SAV1: variants seen among roughly 807,000 people sequenced by gnomAD.
SAV1 encodes the protein protein salvador homolog 1.
SAV1 carries 23 observed loss-of-function variants against 47.3 expected under a neutral mutation model. The observed-to-expected ratio is 0.49, with a 90% CI of 0.35 to 0.69. SAV1 has a LOEUF of 0.69. Among genes scored for constraint, SAV1 ranks in the 30% least tolerant of loss-of-function variants. SAV1 has a pLI of 0.01. For synonymous variants in SAV1, 155 were observed against 159.2 expected (o/e 0.97, Z 0.20); for missense variants, 448 against 457.4 (o/e 0.98, Z 0.19).
At chr14:50,638,641 A>C (rs1422853559) in intron 4 of SAV1, among the ~76,000 whole-genome samples, 3 of 152,202 alleles carry the variant, frequency 2.0e-5, no homozygotes, top group Non-Finnish European at 1.5e-5. Flanking sequence ...AGGACTGCCA[A>C]GCCACTGGAA....
chr14:50,665,077 A>G, intron 2 of SAV1, 102 bp downstream of exon 2: 1 of 1,435,456 alleles, frequency 7.0e-7, no homozygotes, highest in African/African-American at 1.4e-5. Flanking sequence ...ACATTTCGCT[A>G]GTAGTATTTG....
chr14:50,666,757 A>T (rs1439878673), intron 1 of SAV1, among the ~76,000 whole-genome samples: 12 of 151,618 alleles, frequency 7.9e-5, no homozygotes, highest in Non-Finnish European at 1.2e-4. Context: ...ACCTAACTGC[A>T]TGTGTGACTG....
chr14:50,646,866 C>T (rs887094329), intron 2 of SAV1, among the ~76,000 whole-genome samples: 2 of 152,056 alleles, frequency 1.3e-5, no homozygotes, highest in African/African-American at 2.4e-5. Context: ...TATAAAGCTA[C>T]ATTAATCAAG....
intron 2 of SAV1, chr14:50,662,624 T>A (rs1324909798): frequency 6.6e-6 from 1 of 152,218 alleles, no homozygotes; most frequent in Non-Finnish European, 1.5e-5. Context: ...CAGTAGAGAT[T>A]TAGTTCTTAT....
chr14:50,666,854 A>C (rs763288902), intron 1 of SAV1, among the ~76,000 whole-genome samples: 2 of 152,124 alleles, frequency 1.3e-5, no homozygotes, highest in Admixed American at 6.5e-5. Flanking sequence ...TATTTTGTTG[A>C]AAGTATTGCA....
At chr14:50,658,036 T>G (rs1389791466) in intron 2 of SAV1, among the ~76,000 whole-genome samples, 2 of 152,168 alleles carry the variant, frequency 1.3e-5, no homozygotes, top group African/African-American at 4.8e-5. Flanking sequence ...CTACACATTA[T>G]TAGCATGTGT....
At chr14:50,650,072 C>CT (rs2039754537) in intron 2 of SAV1, among the ~76,000 whole-genome samples, 1 of 152,120 alleles carries the variant, frequency 6.6e-6, no homozygotes, top group South Asian at 2.1e-4. Context: ...TTAGAAGAAA[C>CT]TTTAAAATTA....
chr14:50,649,982 G>A (rs959244023), intron 2 of SAV1, among the ~76,000 whole-genome samples: 1 of 152,018 alleles, frequency 6.6e-6, no homozygotes, highest in Non-Finnish European at 1.5e-5. Context: ...ACAGTTGGCT[G>A]GAAACTAAGG....
chr14:50,641,856 G>C (rs911404007), intron 3 of SAV1, among the ~76,000 whole-genome samples: 5 of 152,122 alleles, frequency 3.3e-5, no homozygotes, highest in African/African-American at 1.2e-4. Flanking sequence ...CCATTAATGG[G>C]ACTATTTCTA....
rs148939933 is a variant in SAV1, at chr14:50,636,742, G to A, written c.951-1358C>T. On this transcript the variant is annotated intron_variant, in intron 4 of 4. Transcript: ENST00000324679. ...TGCTTAGTGACTAAAAGTTCAAAAA[G>A]GAAGAGAACTATGGACCAAGATGCT... Among the ~76,000 whole-genome samples, 1,209 of 152,218 alleles carry A rather than the reference G, an allele frequency of 7.9e-3. 22 individuals carry two copies. The highest frequency in any genetic ancestry group is 0.027 in the African/African-American group (1,127 of 41,538).
chr14:50,641,486 CA>C (rs1199830951), intron 3 of SAV1, among the ~76,000 whole-genome samples: 5 of 151,968 alleles, frequency 3.3e-5, no homozygotes, highest in African/African-American at 4.8e-5. Context: ...AGCACTGAAC[CA>C]CCTGAAGGTT....
Position 50,644,804 on chromosome 14 carries a change from C to A in SAV1, c.746G>T (p.Gly249Val). The A allele has an allele frequency of 1.2e-6, 2 of 1,614,114 alleles. No individual in the cohort carries two copies. The highest frequency in any genetic ancestry group is 1.7e-6 in the Non-Finnish European group (2 of 1,179,994). ...ATTTGTGTGATCTACATAATAGGTTCCAAATTCGGATGACTCAACTCGTTC... is the reference window on the plus strand; with the variant it reads ...ATTTGTGTGATCTACATAATAGGTTACAAATTCGGATGACTCAACTCGTTC... Reference protein sequence around the residue: ...GWERVESSEFGTYYVDHTNKK... With the variant: ...GWERVESSEFVTYYVDHTNKK... Residue 249 changes from glycine to valine, a missense_variant, in exon 3 of 5, where the codon GGA becomes GTA. By Grantham distance (109) the Gly-to-Val change is moderately radical. Transcript: ENST00000324679.
rs114785728 is a variant in SAV1, at chr14:50,661,288, C to T, written c.535+3891G>A. Among the ~76,000 whole-genome samples, 922 of 152,272 alleles carry T rather than the reference C, an allele frequency of 6.1e-3. 11 individuals carry two copies. The highest frequency in any genetic ancestry group is 0.021 in the African/African-American group (864 of 41,548). On this transcript the variant is annotated intron_variant, in intron 2 of 4. Coordinates refer to ENST00000324679, the MANE Select transcript of SAV1 (RefSeq NM_021818.4). ...GAGAAACGTCTATTCATGTCCTTTG[C>T]CCACTTTTTAATGGGGTTGTTTTTC...
intron 3 of SAV1, among the ~76,000 whole-genome samples, chr14:50,644,307 A>T (rs1250959320): frequency 6.6e-6 from 1 of 152,244 alleles, no homozygotes; most frequent in African/African-American, 2.4e-5. Flanking sequence ...TTTCTTGTCT[A>T]GTAATAGCAA....
intron 2 of SAV1, among the ~76,000 whole-genome samples, chr14:50,648,436 A>C (rs1000262128): frequency 2.0e-5 from 3 of 152,192 alleles, no homozygotes; most frequent in Admixed American, 6.5e-5. Flanking sequence ...TAAATTTACT[A>C]TACTTTTTAA....
chr14:50,661,708 G>A (rs975841909), intron 2 of SAV1, among the ~76,000 whole-genome samples: 3 of 152,140 alleles, frequency 2.0e-5, no homozygotes, highest in African/African-American at 7.2e-5. Context: ...CCCAATGCAC[G>A]TTCTTGGTGC....
chr14:50,647,026 G>A (rs1054681275), intron 2 of SAV1, among the ~76,000 whole-genome samples: 1 of 152,104 alleles, frequency 6.6e-6, no homozygotes. Flanking sequence ...AAATGATGTT[G>A]CAACAACTGG....
chr14:50,653,481 G>T (rs2039787024), intron 2 of SAV1, among the ~76,000 whole-genome samples: 1 of 152,194 alleles, frequency 6.6e-6, no homozygotes, highest in Admixed American at 6.5e-5. Context: ...GACATACTTT[G>T]GAGATATTTC....
At chr14:50,655,475 A>G (rs1055397207) in intron 2 of SAV1, among the ~76,000 whole-genome samples, 5 of 151,598 alleles carry the variant, frequency 3.3e-5, no homozygotes, top group Admixed American at 6.6e-5. Flanking sequence ...CCCCCAGGCT[A>G]AAGTCAGTGA....
Sources: allele counts gnomAD v4.1 joint callset (sites outside exome capture counted in the v4.1 genomes callset), GRCh38; gene constraint gnomAD v4.1.1; transcripts MANE v1.5; gene names NCBI Gene and HGNC (gene_info 2026-07-23, HGNC 2026-07-21).